The following SMCHD1 variants were observed in gnomAD, a reference collection of about 807,000 sequenced individuals.
SMCHD1 encodes the protein structural maintenance of chromosomes flexible hinge domain-containing protein 1.
A neutral mutation model predicts 254.7 loss-of-function variants in SMCHD1; 78 were observed. The ratio of observed to expected loss-of-function variants is 0.31; its 90% confidence interval spans 0.26 to 0.37. SMCHD1 has a LOEUF of 0.37. SMCHD1 is among the 10% of genes least tolerant of loss of function. The pLI, the probability that SMCHD1 is intolerant of heterozygous loss-of-function variation, is 1.00. For synonymous variants in SMCHD1, 766 were observed against 794.9 expected, an observed-to-expected ratio of 0.96 and a Z score of 0.61; for missense variants, 1,840 against 2,408.1, an observed-to-expected ratio of 0.76 and a Z score of 4.94.
chr18:2,780,947 G>A (rs1324890845), intron 44 of SMCHD1, among the ~76,000 whole-genome samples: 1 of 152,250 alleles, frequency 6.6e-6, no homozygotes, highest in Non-Finnish European at 1.5e-5. Flanking sequence ...GTATCTTAAT[G>A]AACTGGCAAG....
chr18:2,768,832 A>G (rs2075923786), intron 37 of SMCHD1, among the ~76,000 whole-genome samples: 1 of 151,954 alleles, frequency 6.6e-6, no homozygotes, highest in South Asian at 2.1e-4. Context: ...TTTTTTAAAT[A>G]CATGTTTGCA....
intron 25 of SMCHD1, 83 bp from the exon 26 acceptor site, chr18:2,738,314 T>TCC (rs1418193609): frequency 8.1e-7 from 1 of 1,240,218 alleles, no homozygotes; most frequent in African/African-American, 1.5e-5. Flanking sequence ...CGGATTATAA[T>TCC]GTAGTTTTAA....
At chr18:2,668,968 A>G (rs1225491090) in intron 3 of SMCHD1, among the ~76,000 whole-genome samples, 2 of 151,750 alleles carry the variant, frequency 1.3e-5, no homozygotes, top group Non-Finnish European at 2.9e-5. Context: ...TCGAACTCCT[A>G]AGCTTAAACA....
intron 37 of SMCHD1, among the ~76,000 whole-genome samples, chr18:2,765,402 A>G (rs1044600482): frequency 2.8e-4 from 42 of 152,072 alleles, no homozygotes; most frequent in African/African-American, 9.9e-4. Flanking sequence ...GTTGTTGTTC[A>G]TTTCTGTGTC....
chr18:2,695,425 T>G (rs2074266127), intron 8 of SMCHD1, among the ~76,000 whole-genome samples: 1 of 151,876 alleles, frequency 6.6e-6, no homozygotes, highest in South Asian at 2.1e-4. Context: ...TTCTCCTGCC[T>G]CAGCCTCCCG....
At chr18:2,662,176 AAAT>A (rs1452707987) in intron 1 of SMCHD1, among the ~76,000 whole-genome samples, 2,380 of 84,194 alleles carry the variant, frequency 0.028, 138 homozygotes, top group African/African-American at 0.16. Context: ...AAAAAAAAAA[AAAT>A]AAAATAAATA....
chr18:2,676,902 A>G (rs1415517143), intron 5 of SMCHD1, among the ~76,000 whole-genome samples: 2 of 152,202 alleles, frequency 1.3e-5, no homozygotes, highest in African/African-American at 4.8e-5. Context: ...TAACTACAAA[A>G]TCATTATTAC....
In SMCHD1 at chr18:2,672,802, T is replaced by G. The variant is rs538993785; in HGVS notation, c.425-479T>G. ...AAAAATTTGTTAGTCATAAGAATTC[T>G]ATATCCAAATTAGCTTTCAAGAGAC... On this transcript the variant is annotated intron_variant, in intron 3 of 47. Coordinates refer to ENST00000320876, the MANE Select transcript of SMCHD1 (RefSeq NM_015295.3). Among the ~76,000 whole-genome samples the G allele has an allele frequency of 2.8e-4, 42 of 152,364 alleles. 1 individual carries two copies. In the South Asian group the frequency reaches 7.9e-3, roughly 29 times the overall value.
At chr18:2,756,883 ATC>A (rs1321158651) in intron 34 of SMCHD1, among the ~76,000 whole-genome samples, 4 of 152,270 alleles carry the variant, frequency 2.6e-5, no homozygotes, top group African/African-American at 9.6e-5. Flanking sequence ...AAGATCTGTG[ATC>A]TCTCATTCTT....
intron 37 of SMCHD1, among the ~76,000 whole-genome samples, chr18:2,768,670 G>A (rs12458313): frequency 0.15 from 15,598 of 105,430 alleles, 1,523 homozygotes; most frequent in East Asian, 0.46. Flanking sequence ...AGTATATAGT[G>A]TACTATATAC....
chr18:2,783,369 A>C (rs1195361496), intron 44 of SMCHD1, among the ~76,000 whole-genome samples: 1 of 152,148 alleles, frequency 6.6e-6, no homozygotes, highest in Non-Finnish European at 1.5e-5. Context: ...CTTTTTCCAT[A>C]GCCCCCCACC....
rs566676872 is a variant in SMCHD1, at chr18:2,669,044, A to G, written c.424+2013A>G. On this transcript the variant is annotated intron_variant, in intron 3 of 47. Coordinates refer to ENST00000320876, the MANE Select transcript of SMCHD1 (RefSeq NM_015295.3). ...TGCATACCACCATGCCCAGCTAATT[A>G]AAAAAAAAAAAAAAATTGTAGCTGG... Among the ~76,000 whole-genome samples the G allele has an allele frequency of 1.2e-4, 11 of 94,266 alleles. 1 individual carries two copies. In the East Asian group the frequency reaches 2.6e-3, roughly 22 times the overall value. The allele number at this position is 94,266 out of a possible 152,430, so 61.8% of individuals were successfully genotyped here. A position where few individuals can be genotyped will look rare whatever the true frequency, so the allele number is the denominator to read the frequency against.
At chr18:2,721,152 G>T (rs1036101354) in intron 19 of SMCHD1, among the ~76,000 whole-genome samples, 1 of 152,076 alleles carries the variant, frequency 6.6e-6, no homozygotes, top group Non-Finnish European at 1.5e-5. Flanking sequence ...GTCTGATAAC[G>T]GTGAATCAGA....
chr18:2,757,195 G>T (rs750174575), intron 34 of SMCHD1, among the ~76,000 whole-genome samples: 1 of 151,980 alleles, frequency 6.6e-6, no homozygotes, highest in Non-Finnish European at 1.5e-5. Context: ...ATTAGTATTT[G>T]GATCAAAAAT....
chr18:2,708,717 G>A (rs1302931616), intron 17 of SMCHD1, among the ~76,000 whole-genome samples: 3 of 149,884 alleles, frequency 2.0e-5, no homozygotes, highest in Non-Finnish European at 4.4e-5. Flanking sequence ...CCCTGTTCAA[G>A]CAATTCTCCT....
chr18:2,729,572 CTA>C, intron 24 of SMCHD1, among the ~76,000 whole-genome samples, 163 bp downstream of exon 24: 1 of 152,220 alleles, frequency 6.6e-6, no homozygotes, highest in East Asian at 1.9e-4. Flanking sequence ...GCTGTAATGA[CTA>C]TTTTAACATT....
intron 30 of SMCHD1, among the ~76,000 whole-genome samples, chr18:2,748,009 TG>T (rs913821619): frequency 9.2e-5 from 14 of 152,280 alleles, no homozygotes; most frequent in African/African-American, 3.4e-4. Flanking sequence ...CAGGCATTAT[TG>T]GGGAAACATA....
At chr18:2,738,696 A>T (rs1302395616) in intron 26 of SMCHD1, among the ~76,000 whole-genome samples, 151 bp downstream of exon 26, 1 of 152,214 alleles carries the variant, frequency 6.6e-6, no homozygotes, top group Non-Finnish European at 1.5e-5. Flanking sequence ...GGTGATAGCG[A>T]TTAATTTTTG....
At chr18:2,679,220 CT>C (rs1441363157) in intron 5 of SMCHD1, among the ~76,000 whole-genome samples, 3 of 147,974 alleles carry the variant, frequency 2.0e-5, no homozygotes, top group African/African-American at 2.5e-5. Context: ...TGGCTCGCAC[CT>C]GTAATCCCAG....
Sources: allele counts gnomAD v4.1 joint callset (sites outside exome capture counted in the v4.1 genomes callset), GRCh38; gene constraint gnomAD v4.1.1; transcripts MANE v1.5; gene names NCBI Gene and HGNC (gene_info 2026-07-23, HGNC 2026-07-21).